The following RXRA variants were observed in gnomAD, a reference collection of about 807,000 sequenced individuals.
RXRA encodes retinoid X receptor alpha, also known as retinoic acid receptor RXR-alpha.
In RXRA, 5 loss-of-function variants were observed where a neutral mutation model predicts 44.5. That is an observed-to-expected ratio of 0.11 (90% CI 0.06 to 0.24). The LOEUF (loss-of-function observed/expected upper bound fraction) is 0.24, where lower values mean the gene tolerates loss of function less well. RXRA is among the 10% of genes least tolerant of loss of function. The pLI, the probability that RXRA is intolerant of heterozygous loss-of-function variation, is 1.00. For missense variants in RXRA, 412 were observed against 646.5 expected, an observed-to-expected ratio of 0.64 and a Z score of 3.93; for synonymous variants, 291 against 271.4, an observed-to-expected ratio of 1.07 and a Z score of -0.71.
chr9:134,408,778 A>T (rs774637668), intron 3 of RXRA, among the ~76,000 whole-genome samples, 162 bp from the exon 4 acceptor site: 33 of 152,052 alleles, frequency 2.2e-4, no homozygotes, highest in Non-Finnish European at 4.3e-4. Flanking sequence ...GAGCAGAGAG[A>T]GTGAGGCTGG....
intron 1 of RXRA, among the ~76,000 whole-genome samples, chr9:134,353,007 C>T (rs1261480451): frequency 6.6e-6 from 1 of 152,110 alleles, no homozygotes. Flanking sequence ...TTTGTTGACA[C>T]CCTCCCACCA....
intron 4 of RXRA, among the ~76,000 whole-genome samples, chr9:134,416,607 G>T (rs1434801722): frequency 6.6e-6 from 1 of 152,104 alleles, no homozygotes; most frequent in Non-Finnish European, 1.5e-5. Context: ...GCAGGTGCAC[G>T]GTTTCCTGAT....
chr9:134,395,558 C>G (rs1830865246), intron 1 of RXRA, among the ~76,000 whole-genome samples: 1 of 152,200 alleles, frequency 6.6e-6, no homozygotes, highest in African/African-American at 2.4e-5. Flanking sequence ...GTGCCAGGCC[C>G]CATCCTCCTT....
Position 134,327,763 on chromosome 9 carries a change from C to T in RXRA, c.28+1104C>T, listed in dbSNP as rs538413820. Reference sequence around the variant, plus strand: ...TCAAGGGGAGCCAGCATGGACCTAGCCCCTCCTGGATGTGAGGGTGAGAGT... The same window carrying T: ...TCAAGGGGAGCCAGCATGGACCTAGTCCCTCCTGGATGTGAGGGTGAGAGT... On this transcript the variant is annotated intron_variant, in intron 1 of 9. Transcript: ENST00000481739. Among the ~76,000 whole-genome samples the T allele has an allele frequency of 4.6e-5, 7 of 152,234 alleles. No homozygotes were observed. The South Asian group carries it at 1.5e-3, about 32-fold the overall frequency.
At chr9:134,333,670 G>T (rs961417668) in intron 1 of RXRA, among the ~76,000 whole-genome samples, 11 of 152,324 alleles carry the variant, frequency 7.2e-5, no homozygotes, top group Middle Eastern at 3.4e-3. Flanking sequence ...AGCCCAGAAT[G>T]CAGTGAGGCT....
chr9:134,405,240 C>G (rs1399993765), intron 2 of RXRA: 1 of 152,276 alleles, frequency 6.6e-6, no homozygotes, highest in Non-Finnish European at 1.5e-5. Context: ...CTGGCACAGC[C>G]TTGCTTCTGT....
At chr9:134,367,017 C>T (rs1174755180) in intron 1 of RXRA, among the ~76,000 whole-genome samples, 6 of 152,150 alleles carry the variant, frequency 3.9e-5, no homozygotes, top group Non-Finnish European at 5.9e-5. Context: ...GCTTATTATC[C>T]GATTGGTTAA....
chr9:134,431,674 A>G (rs1175115290), intron 7 of RXRA, among the ~76,000 whole-genome samples: 1 of 152,138 alleles, frequency 6.6e-6, no homozygotes, highest in East Asian at 1.9e-4. Context: ...GAGGGAGAGG[A>G]GAGGAGCCCA....
chr9:134,383,237 C>G (rs1830671939), intron 1 of RXRA, among the ~76,000 whole-genome samples: 1 of 152,312 alleles, frequency 6.6e-6, no homozygotes, highest in Admixed American at 6.5e-5. Flanking sequence ...CTCTGGGGGT[C>G]TTTGTCTCAC....
At chr9:134,376,678 C>T (rs1341357963) in intron 1 of RXRA, among the ~76,000 whole-genome samples, 1 of 11,576 alleles carries the variant, frequency 8.6e-5, no homozygotes, top group Non-Finnish European at 2.7e-4. Context: ...GGGTGCTCAG[C>T]GCGTGGGCAG....
rs189015239 is a variant in RXRA, at chr9:134,341,433, T to C, written c.28+14774T>C. Among the ~76,000 whole-genome samples the C allele has an allele frequency of 7.2e-3, 1,093 of 152,256 alleles. 10 individuals are homozygous for C. Among genetic ancestry groups the C allele is most frequent in the African/African-American group, 0.025 (1,021 of 41,554 alleles). On this transcript the variant is annotated intron_variant, in intron 1 of 9. Transcript: ENST00000481739. ...GAACCTGGAGCCGAGCCCTCCCTGC[T>C]GGCTGGGGAGGGGCCTTGCTTCCTA...
chr9:134,402,937 C>T (rs991254950), intron 2 of RXRA: 3 of 152,192 alleles, frequency 2.0e-5, no homozygotes, highest in Admixed American at 6.5e-5. Flanking sequence ...CCTAGGAGCT[C>T]CTCTGCCCAC....
chr9:134,399,571 C>T (rs924736446), intron 1 of RXRA, among the ~76,000 whole-genome samples: 25 of 152,290 alleles, frequency 1.6e-4, no homozygotes, highest in African/African-American at 6.0e-4. Flanking sequence ...TTGATATCTA[C>T]ATGTGGGTCC....
chr9:134,348,076 G>C (rs990999141), intron 1 of RXRA, among the ~76,000 whole-genome samples: 1 of 152,198 alleles, frequency 6.6e-6, no homozygotes, highest in East Asian at 1.9e-4. Flanking sequence ...GGGAGAGAGG[G>C]CTTGGGGTGA....
At chr9:134,400,321 A>G (rs75385852) in intron 1 of RXRA, among the ~76,000 whole-genome samples, 8,258 of 152,182 alleles carry the variant, frequency 0.054, 290 homozygotes, top group Non-Finnish European at 0.067. Context: ...GGAGGGGTGG[A>G]GCCAGGGGTG....
In RXRA at chr9:134,343,816, G is replaced by T. The variant is rs1210758939; in HGVS notation, c.28+17157G>T. On this transcript the variant is annotated intron_variant, in intron 1 of 9. Transcript: ENST00000481739. This position sits in a 1 kb window ranked among gnomAD's most constrained non-coding sequence, Gnocchi z 4.1. ...CAAGCAGAGGATCTTCTGCAACTGT[G>T]GGGAAGAGTGTTTCTTCCCGGAAGG... is the stretch of plus-strand genomic sequence containing the variant. Among the ~76,000 whole-genome samples, 4 of 152,116 alleles carry T rather than the reference G, an allele frequency of 2.6e-5. No individual in the cohort carries two copies. The highest frequency in any genetic ancestry group is 9.7e-5 in the African/African-American group (4 of 41,432).
intron 2 of RXRA, chr9:134,403,127 G>C (rs1392689152): frequency 1.3e-5 from 2 of 152,378 alleles, no homozygotes; most frequent in Non-Finnish European, 1.5e-5. Context: ...GACTGCTCCT[G>C]ACCTAGGACT....
chr9:134,353,144 A>G (rs1564266494), intron 1 of RXRA, among the ~76,000 whole-genome samples: 1 of 152,048 alleles, frequency 6.6e-6, no homozygotes, highest in Non-Finnish European at 1.5e-5. Context: ...GGGCAGGCCC[A>G]TAACTGGGAG....
chr9:134,377,428 G>C (rs1040503703), intron 1 of RXRA, among the ~76,000 whole-genome samples: 2 of 152,222 alleles, frequency 1.3e-5, no homozygotes, highest in Non-Finnish European at 2.9e-5. Context: ...GTCCAGCACA[G>C]TTGTGGGGCT....
Sources: gnomAD v4.1 joint callset for allele counts (sites outside exome capture counted in the v4.1 genomes callset) on GRCh38, gnomAD v4.1.1 for gene constraint, Gnocchi (gnomAD v3.1) non-coding constraint, MANE v1.5 for transcripts, NCBI Gene and HGNC (gene_info 2026-07-23, HGNC 2026-07-21) for gene names.